The following MAPK10 variants were observed in gnomAD, a reference collection of about 807,000 sequenced individuals.
MAPK10 encodes the protein mitogen-activated protein kinase 10, also known as JNK3 alpha protein kinase.
A neutral mutation model predicts 59.3 loss-of-function variants in MAPK10; 25 were observed. The ratio of observed to expected loss-of-function variants is 0.42; its 90% confidence interval spans 0.31 to 0.59. MAPK10 has a LOEUF of 0.59. Ranked by LOEUF, MAPK10 falls within the 20% of genes least tolerant of loss-of-function variation. The pLI is 0.15. For missense variants in MAPK10, 351 were observed against 568.9 expected (o/e 0.62, Z 3.90); for synonymous variants, 190 against 200.5 (o/e 0.95, Z 0.44).
chr4:86,190,825 A>T (rs920634748), intron 3 of MAPK10, among the ~76,000 whole-genome samples: 1 of 151,890 alleles, frequency 6.6e-6, no homozygotes, highest in African/African-American at 2.4e-5. Context: ...TAGTTCTTTT[A>T]ATTATTATGT....
At chr4:86,134,865 T>G (rs563717938) in intron 4 of MAPK10, among the ~76,000 whole-genome samples, 47 of 152,322 alleles carry the variant, frequency 3.1e-4, no homozygotes, top group African/African-American at 1.1e-3. Flanking sequence ...AGGCATTGCC[T>G]CACTCGGGAA....
intron 4 of MAPK10, among the ~76,000 whole-genome samples, chr4:86,129,974 A>T (rs1473957237): frequency 6.6e-6 from 1 of 152,176 alleles, no homozygotes; most frequent in Non-Finnish European, 1.5e-5. Context: ...CAAAAATGAA[A>T]ACGTGTGTAT....
At chr4:86,412,035 T>C (rs1028718552) in intron 1 of MAPK10, among the ~76,000 whole-genome samples, 1 of 152,258 alleles carries the variant, frequency 6.6e-6, no homozygotes, top group Non-Finnish European at 1.5e-5. Context: ...CAGTGGCTAG[T>C]ACCGGTTGTC....
At chr4:86,440,654 G>T (rs1749310153) in intron 1 of MAPK10, among the ~76,000 whole-genome samples, 1 of 151,108 alleles carries the variant, frequency 6.6e-6, no homozygotes, top group Admixed American at 6.6e-5. Flanking sequence ...GAATGTAACT[G>T]TCCAATATGA....
At chr4:86,256,374 T>C (rs1350654563) in intron 2 of MAPK10, among the ~76,000 whole-genome samples, 1 of 152,160 alleles carries the variant, frequency 6.6e-6, no homozygotes, top group Non-Finnish European at 1.5e-5. Flanking sequence ...ATGAGAAAAT[T>C]ATAGCTATAA....
intron 11 of MAPK10, among the ~76,000 whole-genome samples, chr4:86,043,595 A>AG (rs2041984080): frequency 6.6e-6 from 1 of 152,168 alleles, no homozygotes; most frequent in Non-Finnish European, 1.5e-5. Flanking sequence ...TGTTCTTTGA[A>AG]ATGAAAGAGA....
At chr4:86,103,960 C>A (rs930848679) in intron 5 of MAPK10, among the ~76,000 whole-genome samples, 3 of 151,980 alleles carry the variant, frequency 2.0e-5, no homozygotes, top group African/African-American at 7.2e-5. Context: ...TCAAAATGTT[C>A]TTCCAGCTAA....
rs116517551 is a variant in MAPK10, at chr4:86,419,448, G to A, written c.-122+33582C>T. Reference sequence around the variant, plus strand: ...AAAAATTACATACATAACAACTTATGCAGCATTATCTTACCTAATTACACT... The same window carrying A: ...AAAAATTACATACATAACAACTTATACAGCATTATCTTACCTAATTACACT... On this transcript the variant is annotated intron_variant, in intron 1 of 13. Coordinates refer to the MAPK10 transcript ENST00000361569. Among the ~76,000 whole-genome samples, 742 of 152,148 alleles carry A rather than the reference G, an allele frequency of 4.9e-3. 2 individuals are homozygous for A. Among genetic ancestry groups the A allele is most frequent in the South Asian group, 0.027 (130 of 4,812 alleles).
intron 1 of MAPK10, among the ~76,000 whole-genome samples, chr4:86,393,708 T>C (rs1358775299): frequency 6.6e-6 from 1 of 152,114 alleles, no homozygotes; most frequent in Non-Finnish European, 1.5e-5. Context: ...ACTATATCTG[T>C]GGGTAAAGGG....
chr4:86,347,888 AATTC>A (rs900442717), intron 2 of MAPK10, among the ~76,000 whole-genome samples: 1 of 152,112 alleles, frequency 6.6e-6, no homozygotes, highest in African/African-American at 2.4e-5. Flanking sequence ...GGGAACACAA[AATTC>A]AGAACATAGT....
At chr4:86,123,491 C>T (rs925369331) in intron 4 of MAPK10, among the ~76,000 whole-genome samples, 2 of 151,760 alleles carry the variant, frequency 1.3e-5, no homozygotes, top group South Asian at 2.1e-4. Flanking sequence ...CCATAATGGC[C>T]GTATTAATCA....
At chr4:86,134,775 G>A (rs2061600006) in intron 4 of MAPK10, among the ~76,000 whole-genome samples, 1 of 152,218 alleles carries the variant, frequency 6.6e-6, no homozygotes, top group South Asian at 2.1e-4. Flanking sequence ...TGAGGTACCA[G>A]GTTCATCTCA....
At position 86,384,908 on chromosome 4, in the gene MAPK10, G is replaced by A. The variant is rs528397532; in HGVS notation, c.-121-30264C>T. Among the ~76,000 whole-genome samples, 206 of 152,052 alleles carry A rather than the reference G, an allele frequency of 1.4e-3. 3 individuals carry two copies. Among genetic ancestry groups the A allele is most frequent in the African/African-American group, 4.9e-3 (202 of 41,500 alleles). On this transcript the variant is annotated intron_variant, in intron 1 of 13. Transcript: ENST00000361569. ...AGAGAAAAAGGAAAAAACAGATATA[G>A]TACATCTAAACAGATATGATACATT...
At chr4:86,467,957 A>G (rs1420082515) in intron 1 of MAPK10, among the ~76,000 whole-genome samples, 1 of 152,224 alleles carries the variant, frequency 6.6e-6, no homozygotes, top group African/African-American at 2.4e-5. Context: ...GAGGCCAGAT[A>G]CAGACATTCT....
intron 2 of MAPK10, among the ~76,000 whole-genome samples, chr4:86,345,502 A>G (rs1269514606): frequency 6.6e-6 from 1 of 152,212 alleles, no homozygotes; most frequent in East Asian, 1.9e-4. Flanking sequence ...TTTAGAAATC[A>G]GGATTTCTAA....
intron 1 of MAPK10, among the ~76,000 whole-genome samples, chr4:86,449,176 G>A (rs984202358): frequency 1.3e-5 from 2 of 152,002 alleles, no homozygotes; most frequent in African/African-American, 2.4e-5. Flanking sequence ...GGGGACCCGT[G>A]TTCTAACTGA....
chr4:86,591,326 T>C (rs1286946447), intron 1 of MAPK10, among the ~76,000 whole-genome samples: 1 of 152,180 alleles, frequency 6.6e-6, no homozygotes, highest in Non-Finnish European at 1.5e-5. Context: ...AAATTGGTTA[T>C]GATAATACAT....
intron 1 of MAPK10, among the ~76,000 whole-genome samples, chr4:86,547,954 C>A (rs962690921): frequency 6.6e-6 from 1 of 152,118 alleles, no homozygotes; most frequent in African/African-American, 2.4e-5. Context: ...ACAGACCACT[C>A]GGCTCTACCA....
intron 1 of MAPK10, among the ~76,000 whole-genome samples, chr4:86,427,531 C>T (rs1253117309): frequency 6.6e-6 from 1 of 152,060 alleles, no homozygotes; most frequent in Non-Finnish European, 1.5e-5. Flanking sequence ...ATCCATAGGA[C>T]CTAAGTTCTA....
Sources: gnomAD v4.1 joint callset for allele counts (sites outside exome capture counted in the v4.1 genomes callset) on GRCh38, gnomAD v4.1.1 for gene constraint, MANE v1.5 for transcripts, NCBI Gene and HGNC (gene_info 2026-07-23, HGNC 2026-07-21) for gene names.